MAF: variants seen among roughly 807,000 people sequenced by gnomAD.
The protein encoded by MAF is transcription factor Maf.
A neutral mutation model predicts 22.0 loss-of-function variants in MAF; 10 were observed. The ratio of observed to expected loss-of-function variants is 0.45; its 90% CI spans 0.28 to 0.77. The LOEUF is 0.77. Ranked by LOEUF, MAF falls within the 30% of genes least tolerant of loss-of-function variation. The pLI is 0.12. For missense variants in MAF, 544 were observed against 548.4 expected, an observed-to-expected ratio of 0.99 and a Z score of 0.08; for synonymous variants, 337 against 255.8, an observed-to-expected ratio of 1.32 and a Z score of -3.03.
intron 1 of MAF, chr16:79,596,255 T>G: frequency 9.4e-7 from 1 of 1,059,654 alleles, no homozygotes; most frequent in Non-Finnish European, 1.1e-6. Flanking sequence ...ACTGAAAACT[T>G]TGGGGAGAAA....
the MAF span, among the ~76,000 whole-genome samples, chr16:79,375,993 A>C: frequency 6.6e-6 from 1 of 152,302 alleles, no homozygotes; most frequent in African/African-American, 2.4e-5. Context: ...TGGAAAACAA[A>C]TCAACCTTAG....
chr16:79,516,866 A>G, the MAF span, among the ~76,000 whole-genome samples: 44 of 152,314 alleles, frequency 2.9e-4, no homozygotes, highest in African/African-American at 7.5e-4. Context: ...ATCTTAAAGC[A>G]GCTAGACCTT....
the MAF span, among the ~76,000 whole-genome samples, chr16:79,417,482 C>T: frequency 6.6e-6 from 1 of 152,122 alleles, no homozygotes; most frequent in African/African-American, 2.4e-5. Context: ...TCAAGTCATG[C>T]TATTTGGATG....
chr16:79,231,024 C>T, the MAF span, among the ~76,000 whole-genome samples: 3 of 151,952 alleles, frequency 2.0e-5, no homozygotes, highest in African/African-American at 7.2e-5. Flanking sequence ...TAAAAATCAC[C>T]CAAAAAGCAA....
chr16:79,362,557 A>G, the MAF span, among the ~76,000 whole-genome samples: 3 of 152,206 alleles, frequency 2.0e-5, no homozygotes, highest in African/African-American at 7.2e-5. Context: ...GAGGAAACAG[A>G]TTTAGAAAGT....
downstream of MAF, among the ~76,000 whole-genome samples, chr16:79,589,311 T>G (rs1197416929): frequency 2.4e-4 from 36 of 152,178 alleles, no homozygotes; most frequent in Admixed American, 2.4e-3. Context: ...CTGGCGCTGT[T>G]GGAGCAATCC....
At chr16:79,474,673 T>C in the MAF span, among the ~76,000 whole-genome samples, 55,761 of 152,002 alleles carry the variant, frequency 0.37, 11,852 homozygotes, top group Middle Eastern at 0.49. Flanking sequence ...TTGTCCCATC[T>C]GGATGCCACA....
At chr16:79,337,176 A>G in the MAF span, among the ~76,000 whole-genome samples, 1 of 152,294 alleles carries the variant, frequency 6.6e-6, no homozygotes, top group South Asian at 2.1e-4. Context: ...CCCTGGATTC[A>G]TTCATGTTTC....
chr16:79,503,911 T>G, the MAF span, among the ~76,000 whole-genome samples: 1 of 152,232 alleles, frequency 6.6e-6, no homozygotes, highest in Non-Finnish European at 1.5e-5. Flanking sequence ...ATAAACCACT[T>G]ATAAAATTAG....
intron 1 of MAF, chr16:79,594,976 T>C (rs923731315): frequency 1.8e-6 from 2 of 1,086,510 alleles, no homozygotes; most frequent in African/African-American, 3.3e-5. Flanking sequence ...GCCTCATTTG[T>C]CATGAGATAA....
the MAF span, among the ~76,000 whole-genome samples, chr16:79,303,343 A>G: frequency 6.6e-6 from 1 of 152,234 alleles, no homozygotes; most frequent in East Asian, 1.9e-4. Flanking sequence ...AGCAGGGCTT[A>G]TGATAGCTTC....
chr16:79,346,233 G>A, the MAF span, among the ~76,000 whole-genome samples: 1 of 140,442 alleles, frequency 7.1e-6, no homozygotes, highest in Non-Finnish European at 1.5e-5. Flanking sequence ...CTGTGTCCAA[G>A]TGTTCTCACT....
chr16:79,416,768 C>T, the MAF span, among the ~76,000 whole-genome samples: 1 of 152,224 alleles, frequency 6.6e-6, no homozygotes, highest in South Asian at 2.1e-4. Flanking sequence ...TGACCTGAAG[C>T]AGCTTGCTAC....
chr16:79,429,660 G>A, the MAF span, among the ~76,000 whole-genome samples: 104 of 152,254 alleles, frequency 6.8e-4, no homozygotes, highest in Admixed American at 1.3e-3. Flanking sequence ...CTCCCAGGGT[G>A]TGTAAGCCTC....
At chr16:79,596,176 G>C (rs887950037) in intron 1 of MAF, 45 of 1,062,506 alleles carry the variant, frequency 4.2e-5, no homozygotes, top group Admixed American at 5.4e-5. Flanking sequence ...GCCATGCTCA[G>C]GAAGCCTAGT....
chr16:79,365,762 T>C, the MAF span, among the ~76,000 whole-genome samples: 1 of 152,168 alleles, frequency 6.6e-6, no homozygotes, highest in South Asian at 2.1e-4. Flanking sequence ...AAATATCTCA[T>C]GGGGTGAAGT....
the MAF span, among the ~76,000 whole-genome samples, chr16:79,552,590 G>A: frequency 1.3e-5 from 2 of 152,218 alleles, no homozygotes; most frequent in African/African-American, 4.8e-5. Context: ...CACTTCTTTT[G>A]TAACACTTTT....
At chr16:79,322,159 G>A in the MAF span, among the ~76,000 whole-genome samples, 17 of 152,270 alleles carry the variant, frequency 1.1e-4, no homozygotes, top group East Asian at 2.7e-3. Flanking sequence ...TTTAATCCCA[G>A]GAGGCGGAGG....
chr16:79,527,254 T>A, the MAF span, among the ~76,000 whole-genome samples: 1 of 152,186 alleles, frequency 6.6e-6, no homozygotes, highest in African/African-American at 2.4e-5. Context: ...CCTGTTTTCT[T>A]TGATATAGGG....
Sources: allele counts gnomAD v4.1 joint callset (sites outside exome capture counted in the v4.1 genomes callset), GRCh38; gene constraint gnomAD v4.1.1; transcripts MANE v1.5; gene names NCBI Gene and HGNC (gene_info 2026-07-23, HGNC 2026-07-21).